The following ENOX1 variants were observed in gnomAD, a reference collection of about 807,000 sequenced individuals.
ENOX1 encodes ecto-NOX disulfide-thiol exchanger 1.
A neutral mutation model predicts 82.5 loss-of-function variants in ENOX1; 42 were observed. The ratio of observed to expected loss-of-function variants is 0.51; its 90% CI spans 0.40 to 0.66. The LOEUF is 0.66. Among genes scored for constraint, ENOX1 ranks in the 30% least tolerant of loss-of-function variants. The pLI is 0.00. For missense variants in ENOX1, 608 were observed against 811.6 expected, an observed-to-expected ratio of 0.75 and a Z score of 3.05; for synonymous variants, 271 against 282.2, an observed-to-expected ratio of 0.96 and a Z score of 0.40.
intron 12 of ENOX1, among the ~76,000 whole-genome samples, chr13:43,276,338 ATTT>A (rs1461611513): frequency 6.6e-6 from 1 of 151,746 alleles, no homozygotes; most frequent in South Asian, 2.1e-4. Context: ...TGCCAACCTG[ATTT>A]TTCCCAGTAT....
chr13:43,293,433 C>T (rs943846656), intron 12 of ENOX1, among the ~76,000 whole-genome samples: 2 of 152,256 alleles, frequency 1.3e-5, no homozygotes, highest in South Asian at 2.1e-4. Flanking sequence ...CTACCATCCT[C>T]ACCACAATCA....
In ENOX1 at chr13:43,707,626, G is replaced by A. The variant is rs575712041; in HGVS notation, c.-284-40082C>T. ...TGCTCGCCTGTAGTCCCAGCTACTC[G>A]GGAGGCTGAGGCAGGAGAATGGCGT... On this transcript the variant is annotated intron_variant, in intron 1 of 16. Coordinates refer to ENST00000690772, the MANE Select transcript of ENOX1 (RefSeq NM_001347969.2). Among the ~76,000 whole-genome samples, 7 of 151,254 alleles carry A rather than the reference G, an allele frequency of 4.6e-5. No individual in the cohort carries two copies. The East Asian group carries it at 1.4e-3, about 30-fold the overall frequency.
chr13:43,491,795 A>G (rs1018057065), intron 2 of ENOX1, among the ~76,000 whole-genome samples: 3 of 152,108 alleles, frequency 2.0e-5, no homozygotes, highest in Non-Finnish European at 4.4e-5. Context: ...AAATGCATAG[A>G]TGAGATAATT....
intron 14 of ENOX1, among the ~76,000 whole-genome samples, chr13:43,258,803 C>T (rs974060383): frequency 6.6e-6 from 1 of 152,106 alleles, no homozygotes; most frequent in African/African-American, 2.4e-5. Context: ...TGGAGCCAGT[C>T]CTTCCAAAAA....
At chr13:43,483,128 C>T (rs552759857) in intron 3 of ENOX1, among the ~76,000 whole-genome samples, 24 of 152,250 alleles carry the variant, frequency 1.6e-4, no homozygotes, top group Admixed American at 1.0e-3. Flanking sequence ...AAAAGTACCA[C>T]CAAATGAAAT....
At chr13:43,550,571 T>G (rs1166858588) in intron 2 of ENOX1, among the ~76,000 whole-genome samples, 1 of 152,174 alleles carries the variant, frequency 6.6e-6, no homozygotes, top group Non-Finnish European at 1.5e-5. Flanking sequence ...ATAAGGTATA[T>G]CCAATCCTTG....
chr13:43,616,399 G>A (rs1018955041), intron 2 of ENOX1, among the ~76,000 whole-genome samples: 2 of 148,050 alleles, frequency 1.4e-5, no homozygotes, highest in Admixed American at 1.4e-4. Flanking sequence ...ATGGGGTTTC[G>A]CCATGTTGGC....
intron 9 of ENOX1, among the ~76,000 whole-genome samples, chr13:43,342,598 C>T (rs932421841): frequency 6.6e-6 from 1 of 152,094 alleles, no homozygotes; most frequent in Non-Finnish European, 1.5e-5. Flanking sequence ...AGCCAGCCTG[C>T]CCAGGGGGAG....
At chr13:43,644,433 A>G (rs1007383519) in intron 2 of ENOX1, among the ~76,000 whole-genome samples, 32 of 152,182 alleles carry the variant, frequency 2.1e-4, no homozygotes, top group Non-Finnish European at 4.1e-4. Context: ...TTTGATATCC[A>G]TGGGATGATT....
chr13:43,369,782 A>G (rs999887161), intron 5 of ENOX1, among the ~76,000 whole-genome samples: 21 of 152,106 alleles, frequency 1.4e-4, no homozygotes, highest in Non-Finnish European at 1.5e-5. Flanking sequence ...TTCACCAGCA[A>G]ATTTCTTCTT....
In ENOX1 at chr13:43,713,175, T is replaced by A. The variant is rs1000049035; in HGVS notation, c.-284-45631A>T. Among the ~76,000 whole-genome samples, 34 of 152,224 alleles carry A rather than the reference T, an allele frequency of 2.2e-4. 1 individual carries two copies. The highest frequency in any genetic ancestry group is 2.6e-4 in the Admixed American group (4 of 15,284). On this transcript the variant is annotated intron_variant, in intron 1 of 16. Transcript: ENST00000690772. ...TTCTGCATCTATTGAGATAATTATG[T>A]GGTTTTTGTCTTTGGTTCTGTTTAT... is the stretch of plus-strand genomic sequence containing the variant.
chr13:43,386,064 C>A (rs1057464704), intron 5 of ENOX1, among the ~76,000 whole-genome samples: 1 of 152,046 alleles, frequency 6.6e-6, no homozygotes, highest in Non-Finnish European at 1.5e-5. Context: ...TACTCTGGAG[C>A]CTGAGGCAGG....
chr13:43,528,447 A>G (rs1303662148), intron 2 of ENOX1, among the ~76,000 whole-genome samples: 2 of 152,142 alleles, frequency 1.3e-5, no homozygotes, highest in Admixed American at 6.6e-5. Flanking sequence ...TCACTACATT[A>G]TTATAATCTC....
chr13:43,213,932 G>A lies in ENOX1; in HGVS notation c.*58C>T, dbSNP rs553360588. Reference sequence around the variant, plus strand: ...ACCCCACACCTCCTGCTTCCCCGTCGCACCGCCCTGGCCAGGTTCACATGG... The same window carrying A: ...ACCCCACACCTCCTGCTTCCCCGTCACACCGCCCTGGCCAGGTTCACATGG... On this transcript the variant is annotated 3_prime_UTR_variant, in exon 17 of 17. Transcript: ENST00000690772. 3.7e-5 allele frequency: 58 copies of A among 1,569,418 alleles called. No homozygotes were observed. The highest frequency in any genetic ancestry group is 1.2e-4 in the South Asian group (10 of 85,130).
At chr13:43,454,208 C>T (rs189176583) in intron 3 of ENOX1, among the ~76,000 whole-genome samples, 89 of 151,996 alleles carry the variant, frequency 5.9e-4, no homozygotes, top group African/African-American at 1.5e-3. Context: ...AAGAGTACTC[C>T]CTTCCCCCAC....
At position 43,499,405 on chromosome 13, in the gene ENOX1, A is replaced by T. The variant is rs577001122; in HGVS notation, c.-218-15253T>A. 3.9e-5 allele frequency among the ~76,000 whole-genome samples: 6 copies of T among 152,272 alleles called. No individual in the cohort carries two copies. The South Asian group carries it at 1.2e-3, about 32-fold the overall frequency. ...TTTGGAAACATCTTTGGTAACAGCT[A>T]TAACCACTACTTCCAAAAAAGACAC... On this transcript the variant is annotated intron_variant, in intron 2 of 16. Coordinates refer to ENST00000690772, the MANE Select transcript of ENOX1 (RefSeq NM_001347969.2).
At chr13:43,300,086 T>C (rs1221361045) in intron 11 of ENOX1, among the ~76,000 whole-genome samples, 2 of 152,220 alleles carry the variant, frequency 1.3e-5, no homozygotes, top group Admixed American at 1.3e-4. Flanking sequence ...TAGTACACAC[T>C]GAACTACTAA....
chr13:43,648,143 C>A (rs998966650), intron 2 of ENOX1, among the ~76,000 whole-genome samples: 2 of 152,180 alleles, frequency 1.3e-5, no homozygotes, highest in Non-Finnish European at 2.9e-5. Context: ...TTTATTAGGG[C>A]AACAATAGAA....
At chr13:43,400,252 C>T (rs1355541946) in intron 5 of ENOX1, among the ~76,000 whole-genome samples, 7 of 152,084 alleles carry the variant, frequency 4.6e-5, no homozygotes, top group Non-Finnish European at 1.0e-4. Flanking sequence ...AGGGTTCTCC[C>T]TTCTCTTCCA....
Sources: allele counts gnomAD v4.1 joint callset (sites outside exome capture counted in the v4.1 genomes callset), GRCh38; gene constraint gnomAD v4.1.1; transcripts MANE v1.5; gene names NCBI Gene and HGNC (gene_info 2026-07-23, HGNC 2026-07-21).